Variants in CCDC47 observed in about 807,000 individuals in gnomAD.
CCDC47 encodes PAT complex subunit CCDC47.
CCDC47 carries 41 observed loss-of-function variants against 60.5 expected under a neutral mutation model. That is an observed-to-expected ratio of 0.68 (90% CI 0.53 to 0.88). CCDC47 has a LOEUF of 0.88. Ranked by LOEUF, CCDC47 falls within the 40% of genes least tolerant of loss-of-function variation. CCDC47 has a pLI of 0.00. For synonymous variants in CCDC47, 195 were observed against 190.7 expected (o/e 1.02, Z -0.18); for missense variants, 513 against 580.9 (o/e 0.88, Z 1.20).
Position 63,766,082 on chromosome 17 carries a change from C to A in CCDC47, c.94G>T (p.Val32Leu), listed in dbSNP as rs372689858. Residue 32 changes from valine to leucine, a missense_variant, in exon 2 of 13, where the codon GTA becomes TTA. Physicochemically the swap from Val to Leu is conservative, Grantham distance 32. Transcript: ENST00000225726. ...GCGAAGTCATTATCATCATACTCTA[C>A]TATGTCCTCCTCATCCTCAAAATCA... is the stretch of plus-strand genomic sequence containing the variant. ...FDDFEDEEDI[V>L]EYDDNDFAEF... is the part of the protein sequence containing the mutation. 1 of 1,614,078 alleles carries A rather than the reference C, an allele frequency of 6.2e-7. No individual in the cohort carries two copies. The highest frequency in any genetic ancestry group is 1.3e-5 in the African/African-American group (1 of 75,016).
intron 4 of CCDC47, chr17:63,762,261 G>C: frequency 1.0e-6 from 1 of 985,318 alleles, no homozygotes; most frequent in Non-Finnish European, 1.2e-6. Flanking sequence ...AAACAAGCAA[G>C]GGGAAGTAGA....
chr17:63,757,011 A>G (rs944627433), intron 6 of CCDC47, among the ~76,000 whole-genome samples: 1 of 152,016 alleles, frequency 6.6e-6, no homozygotes, highest in Non-Finnish European at 1.5e-5. Context: ...GCTACCTGGG[A>G]GGCTGAGGCA....
At chr17:63,764,613 G>T in intron 3 of CCDC47, 127 bp downstream of exon 3, 3 of 715,986 alleles carry the variant, frequency 4.2e-6, no homozygotes, top group Non-Finnish European at 4.3e-6. Context: ...CAGAAAAATT[G>T]ATGTCAAGCT....
At chr17:63,751,727 C>A in intron 12 of CCDC47, 1 of 631,230 alleles carries the variant, frequency 1.6e-6, no homozygotes. Flanking sequence ...CAGGATAATA[C>A]TGATAATTTT....
At chr17:63,772,910 C>G (rs2039360231) in intron 1 of CCDC47, 1 of 152,280 alleles carries the variant, frequency 6.6e-6, no homozygotes. Flanking sequence ...CAAGCGCTAA[C>G]AAGTCTGGTT....
intron 1 of CCDC47, among the ~76,000 whole-genome samples, chr17:63,770,193 C>T (rs548656038): frequency 6.6e-6 from 1 of 151,960 alleles, no homozygotes; most frequent in Admixed American, 6.6e-5. Context: ...GAACTCCTGA[C>T]CTCAGGTGAT....
intron 3 of CCDC47, 55 bp downstream of exon 3, chr17:63,764,685 T>C: frequency 6.8e-7 from 1 of 1,461,564 alleles, no homozygotes. Flanking sequence ...ATTTCTGGGA[T>C]TGATGACAAG....
intron 12 of CCDC47, among the ~76,000 whole-genome samples, chr17:63,749,409 A>G (rs567191148): frequency 1.2e-3 from 180 of 150,524 alleles, no homozygotes; most frequent in Middle Eastern, 6.8e-3. Context: ...AAAACAAAAC[A>G]AAACAAAACA....
At chr17:63,752,267 G>T in intron 11 of CCDC47, 53 bp downstream of exon 11, 1 of 1,461,812 alleles carries the variant, frequency 6.8e-7, no homozygotes, top group Non-Finnish European at 9.5e-7. Context: ...CCTCCCCCTT[G>T]AGAAGAAACA....
At chr17:63,771,996 CG>C (rs2039345751) in intron 1 of CCDC47, among the ~76,000 whole-genome samples, 20 of 151,942 alleles carry the variant, frequency 1.3e-4, no homozygotes, top group Admixed American at 1.3e-3. Flanking sequence ...GCAGGAGAAT[CG>C]CTTGAACCCG....
At chr17:63,771,723 T>G (rs1221162941) in intron 1 of CCDC47, among the ~76,000 whole-genome samples, 1 of 152,188 alleles carries the variant, frequency 6.6e-6, no homozygotes, top group Non-Finnish European at 1.5e-5. Context: ...GTTGTGATAT[T>G]TGGTCAAAAG....
At chr17:63,772,382 T>C (rs1162747177) in intron 1 of CCDC47, among the ~76,000 whole-genome samples, 4 of 150,148 alleles carry the variant, frequency 2.7e-5, no homozygotes, top group African/African-American at 7.3e-5. Flanking sequence ...GCCTCCCAAG[T>C]AGCTGGGACT....
At chr17:63,753,086 G>T in intron 9 of CCDC47, 2 of 393,966 alleles carry the variant, frequency 5.1e-6, no homozygotes, top group Non-Finnish European at 6.9e-6. Context: ...CCAGAAATGA[G>T]CCTATATTTA....
intron 12 of CCDC47, among the ~76,000 whole-genome samples, chr17:63,750,936 G>A (rs910977180): frequency 9.9e-5 from 15 of 150,956 alleles, no homozygotes; most frequent in African/African-American, 3.7e-4. Flanking sequence ...GTGCAGTGGT[G>A]TGATCATAGC....
intron 4 of CCDC47, among the ~76,000 whole-genome samples, chr17:63,763,603 A>C (rs538930404): frequency 6.6e-6 from 1 of 151,970 alleles, no homozygotes; most frequent in South Asian, 2.1e-4. Flanking sequence ...AGGTGGGTGG[A>C]CCATGAGGTC....
chr17:63,759,551 ATATATATATATATATATATATATAT>A (rs555497232), intron 6 of CCDC47, among the ~76,000 whole-genome samples: 3 of 69,958 alleles, frequency 4.3e-5, no homozygotes, highest in African/African-American at 1.1e-4. Context: ...ATATATATAT[ATATATATATATATATATATATATAT>A]AAAACAATGA....
Position 63,757,566 on chromosome 17 carries a change from C to A in CCDC47, c.736-996G>T, listed in dbSNP as rs187221917. Among the ~76,000 whole-genome samples the A allele has an allele frequency of 1.3e-4, 20 of 152,116 alleles. No homozygotes were observed. In the South Asian group the frequency reaches 3.5e-3, roughly 27 times the overall value. ...ATGCTGCACTTCTGACCTGCAGAAA[C>A]GGTAACATAATAAATGAGGGTTGTT... On this transcript the variant is annotated intron_variant, in intron 6 of 12. Transcript: ENST00000225726.
Position 63,752,430 on chromosome 17 carries a change from C to G in CCDC47, c.1094-1G>C, listed in dbSNP as rs756072869. On this transcript the variant is annotated splice_acceptor_variant, in intron 10 of 12. Transcript: ENST00000225726. LOFTEE classifies it high-confidence loss of function. ...GGGTAAGTGTTACCTGAGCCAGGCA[C>G]TGGAAAACAAAGCCATTTTTCCTAC... 6.3e-7 allele frequency: 1 copy of G among 1,599,292 alleles called. No individual in the cohort carries two copies. Among genetic ancestry groups the G allele is most frequent in the South Asian group, 1.1e-5 (1 of 88,894 alleles).
chr17:63,745,808 T>G lies in CCDC47; in HGVS notation c.*1073A>C, dbSNP rs1376699216. 6.6e-6 allele frequency: 1 copy of G among 152,206 alleles called. No individual in the cohort carries two copies. Among genetic ancestry groups the G allele is most frequent in the Non-Finnish European group, 1.5e-5 (1 of 68,040 alleles). 9.4% of individuals were successfully genotyped at this position (152,206 alleles called of 1,614,324 possible). A position where few individuals can be genotyped will look rare whatever the true frequency, so the allele number is the denominator to read the frequency against. On this transcript the variant is annotated 3_prime_UTR_variant, in exon 13 of 13. Coordinates refer to ENST00000225726, the MANE Select transcript of CCDC47 (RefSeq NM_020198.3). Reference sequence around the variant, plus strand: ...AATGCAGAGATCTGAACAAGCTAAGTGCTCGTGCAGATACATGGGCCTCTC... The same window carrying G: ...AATGCAGAGATCTGAACAAGCTAAGGGCTCGTGCAGATACATGGGCCTCTC...
Sources: allele counts gnomAD v4.1 joint callset (sites outside exome capture counted in the v4.1 genomes callset), GRCh38; gene constraint gnomAD v4.1.1; transcripts MANE v1.5; gene names NCBI Gene and HGNC (gene_info 2026-07-23, HGNC 2026-07-21).